The following MDGA2 variants were observed in gnomAD, a reference collection of about 807,000 sequenced individuals.
MDGA2 encodes MAM domain containing glycosylphosphatidylinositol anchor 2, also known as MAM domain-containing glycosylphosphatidylinositol anchor protein 2.
A neutral mutation model predicts 117.8 loss-of-function variants in MDGA2; 40 were observed. The ratio of observed to expected loss-of-function variants is 0.34; its 90% CI spans 0.26 to 0.44. MDGA2 has a LOEUF of 0.44. MDGA2 is among the 20% of genes least tolerant of loss of function. The probability of loss-of-function intolerance (pLI) is 1.00; values close to 1 mark genes in which losing one functional copy is unlikely to be tolerated. For missense variants in MDGA2, 1,123 were observed against 1,250.6 expected, an observed-to-expected ratio of 0.90 and a Z score of 1.54; for synonymous variants, 452 against 439.0, an observed-to-expected ratio of 1.03 and a Z score of -0.37.
rs565628322 is a variant in MDGA2, at chr14:47,524,317, A to G, written c.280+150200T>C. ...AAAATACATTTAAAAATTACTATTA[A>G]TAACATCTTTCTTCTACCATTACAT... On this transcript the variant is annotated intron_variant, in intron 1 of 16. Transcript: ENST00000399232. Among the ~76,000 whole-genome samples, 18 of 152,344 alleles carry G rather than the reference A, an allele frequency of 1.2e-4. 1 individual carries two copies. The South Asian group carries it at 3.7e-3, about 32-fold the overall frequency.
chr14:47,351,156 C>A (rs1890871706), intron 1 of MDGA2, among the ~76,000 whole-genome samples: 1 of 149,796 alleles, frequency 6.7e-6, no homozygotes, highest in Non-Finnish European at 1.5e-5. Context: ...TTGTCTCACC[C>A]CCGCAACCTC....
intron 14 of MDGA2, among the ~76,000 whole-genome samples, chr14:46,859,828 T>C (rs1375956206): frequency 6.6e-6 from 1 of 152,110 alleles, no homozygotes; most frequent in African/African-American, 2.4e-5. Context: ...AATATACATA[T>C]AAACTTTACA....
chr14:47,362,463 T>C (rs1891146069), intron 1 of MDGA2, among the ~76,000 whole-genome samples: 1 of 152,134 alleles, frequency 6.6e-6, no homozygotes, highest in African/African-American at 2.4e-5. Context: ...GCCAAATAAA[T>C]GGAAATTTGA....
intron 5 of MDGA2, among the ~76,000 whole-genome samples, chr14:47,104,027 T>C (rs555905996): frequency 8.0e-4 from 122 of 152,334 alleles, no homozygotes; most frequent in Non-Finnish European, 1.4e-3. Context: ...TTGTCTTAAC[T>C]GACTTTGTAT....
At chr14:46,934,581 A>T (rs1419203518) in intron 9 of MDGA2, among the ~76,000 whole-genome samples, 2 of 152,126 alleles carry the variant, frequency 1.3e-5, no homozygotes, top group African/African-American at 4.8e-5. Flanking sequence ...CCAAATGGAT[A>T]TTTTGTCAGA....
At chr14:47,191,772 C>A (rs1247163251) in intron 3 of MDGA2, among the ~76,000 whole-genome samples, 1 of 152,086 alleles carries the variant, frequency 6.6e-6, no homozygotes, top group African/African-American at 2.4e-5. Context: ...TCCTGATGTA[C>A]CGCAGTCAGA....
chr14:47,647,711 T>G (rs1000938433), intron 1 of MDGA2, among the ~76,000 whole-genome samples: 5 of 152,120 alleles, frequency 3.3e-5, no homozygotes, highest in Non-Finnish European at 5.9e-5. Flanking sequence ...ATGGAAATAT[T>G]AATACCCTTA....
intron 2 of MDGA2, among the ~76,000 whole-genome samples, chr14:47,268,597 T>G (rs1888042394): frequency 6.6e-6 from 1 of 152,124 alleles, no homozygotes; most frequent in Non-Finnish European, 1.5e-5. Flanking sequence ...CTCTAAACTC[T>G]CCATTTCTGA....
At chr14:47,451,528 A>C (rs1893240710) in intron 1 of MDGA2, among the ~76,000 whole-genome samples, 1 of 152,124 alleles carries the variant, frequency 6.6e-6, no homozygotes, top group South Asian at 2.1e-4. Context: ...TTCTAATCTT[A>C]ACATAAACTA....
intron 1 of MDGA2, among the ~76,000 whole-genome samples, chr14:47,640,771 C>A (rs1272840024): frequency 1.3e-5 from 2 of 152,076 alleles, no homozygotes; most frequent in Admixed American, 1.3e-4. Flanking sequence ...ATTTCTGATG[C>A]TTTTACAAAG....
intron 4 of MDGA2, among the ~76,000 whole-genome samples, chr14:47,138,929 C>T (rs1287750469): frequency 6.6e-6 from 1 of 151,862 alleles, no homozygotes; most frequent in Non-Finnish European, 1.5e-5. Flanking sequence ...GAACACAGAC[C>T]AATTTTTTTC....
intron 3 of MDGA2, among the ~76,000 whole-genome samples, chr14:47,148,781 T>C (rs755865450): frequency 1.1e-4 from 16 of 152,176 alleles, no homozygotes; most frequent in Non-Finnish European, 2.4e-4. Context: ...AATCTGAAAA[T>C]TGCCTCAGGT....
intron 5 of MDGA2, among the ~76,000 whole-genome samples, chr14:47,128,705 T>C (rs941707464): frequency 2.0e-5 from 3 of 151,618 alleles, no homozygotes; most frequent in Non-Finnish European, 4.4e-5. Context: ...TCACTTTTTT[T>C]TTTTTTTTTG....
At chr14:47,353,995 T>C (rs1055848370) in intron 1 of MDGA2, among the ~76,000 whole-genome samples, 2 of 152,178 alleles carry the variant, frequency 1.3e-5, no homozygotes, top group African/African-American at 4.8e-5. Flanking sequence ...CAAGGATGGT[T>C]CAACTTACCC....
At chr14:47,092,093 G>A (rs965348472) in intron 6 of MDGA2, among the ~76,000 whole-genome samples, 3 of 152,158 alleles carry the variant, frequency 2.0e-5, no homozygotes, top group Non-Finnish European at 4.4e-5. Flanking sequence ...TAAAAGAGGG[G>A]CTACAGTGGA....
At chr14:47,226,365 G>A (rs920313039) in intron 2 of MDGA2, among the ~76,000 whole-genome samples, 1 of 152,058 alleles carries the variant, frequency 6.6e-6, no homozygotes, top group African/African-American at 2.4e-5. Context: ...GTAAGAAACA[G>A]GTAAAATAGC....
At chr14:47,098,460 A>G (rs1404430735) in intron 5 of MDGA2, among the ~76,000 whole-genome samples, 1 of 151,822 alleles carries the variant, frequency 6.6e-6, no homozygotes, top group Non-Finnish European at 1.5e-5. Flanking sequence ...TGAAATTCTA[A>G]ATATTTATGA....
chr14:47,536,058 T>A lies in MDGA2; in HGVS notation c.280+138459A>T, dbSNP rs115302855. Among the ~76,000 whole-genome samples, 157 of 152,272 alleles carry A rather than the reference T, an allele frequency of 1.0e-3. 1 individual carries two copies. The highest frequency in any genetic ancestry group is 3.4e-3 in the African/African-American group (141 of 41,548). ...CATACCTTGAAAGTCATTAAGTGTG[T>A]CCACATCTGTTAACATCTCATTGAT... On this transcript the variant is annotated intron_variant, in intron 1 of 16. Coordinates refer to ENST00000399232, the MANE Select transcript of MDGA2 (RefSeq NM_001113498.3).
At chr14:47,241,740 C>G (rs1887048887) in intron 2 of MDGA2, among the ~76,000 whole-genome samples, 1 of 151,772 alleles carries the variant, frequency 6.6e-6, no homozygotes, top group Non-Finnish European at 1.5e-5. Context: ...TCATAAAACC[C>G]TAGCACATAT....
Sources: gnomAD v4.1 joint callset for allele counts (sites outside exome capture counted in the v4.1 genomes callset) on GRCh38, gnomAD v4.1.1 for gene constraint, MANE v1.5 for transcripts, NCBI Gene and HGNC (gene_info 2026-07-23, HGNC 2026-07-21) for gene names.